The following JAKMIP1 variants were observed in gnomAD, a reference collection of about 807,000 sequenced individuals.
The protein encoded by JAKMIP1 is janus kinase and microtubule-interacting protein 1.
Under a neutral mutation model 113.0 loss-of-function variants are expected in JAKMIP1, and 33 were observed. The ratio of observed to expected loss-of-function variants is 0.29; its 90% CI spans 0.22 to 0.39. JAKMIP1 has a LOEUF of 0.39. Among genes scored for constraint, JAKMIP1 ranks in the 10% least tolerant of loss-of-function variants. JAKMIP1 has a pLI of 1.00. For synonymous variants in JAKMIP1, 480 were observed against 459.9 expected, an observed-to-expected ratio of 1.04 and a Z score of -0.56; for missense variants, 813 against 1,080.5, an observed-to-expected ratio of 0.75 and a Z score of 3.47.
At chr4:6,182,620 A>G (rs1726172523) in intron 1 of JAKMIP1, among the ~76,000 whole-genome samples, 1 of 152,158 alleles carries the variant, frequency 6.6e-6, no homozygotes, top group Non-Finnish European at 1.5e-5. Context: ...GTGAGAAATA[A>G]GCTTCTGTTG....
In JAKMIP1 at chr4:6,049,511, G is replaced by A. The variant is rs1390495264; in HGVS notation, c.1962+308C>T. On this transcript the variant is annotated intron_variant, in intron 15 of 20. Coordinates refer to ENST00000409021, the MANE Select transcript of JAKMIP1 (RefSeq NM_001099433.2). The surrounding 1 kb of genome is among the most constrained non-coding windows in gnomAD (Gnocchi z 7.0). The stretch of plus-strand genomic sequence containing the variant: ...TACATGCAAGCTCATCTTTCAGGAC[G>A]GCAAAAAGATCCCTTTCTGATTTCA... 3.3e-5 allele frequency among the ~76,000 whole-genome samples: 5 copies of A among 151,946 alleles called. No homozygotes were observed. The highest frequency in any genetic ancestry group is 5.9e-5 in the Non-Finnish European group (4 of 68,008).
chr4:6,038,572 C>T (rs1207881217), intron 18 of JAKMIP1, among the ~76,000 whole-genome samples: 1 of 152,278 alleles, frequency 6.6e-6, no homozygotes, highest in Non-Finnish European at 1.5e-5. Context: ...CCCTCCGTCA[C>T]CATCAGGCCA....
At chr4:6,127,375 C>T (rs1296427264) in intron 1 of JAKMIP1, among the ~76,000 whole-genome samples, 1 of 152,200 alleles carries the variant, frequency 6.6e-6, no homozygotes, top group African/African-American at 2.4e-5. Context: ...TTGCTGAAAA[C>T]CGGCCATTCT....
At chr4:6,112,465 C>G (rs896625447) in intron 2 of JAKMIP1, among the ~76,000 whole-genome samples, 21 of 152,206 alleles carry the variant, frequency 1.4e-4, no homozygotes, top group Admixed American at 1.3e-3. Context: ...TTCTGACAAC[C>G]CCCATCTTGC....
At position 6,062,313 on chromosome 4, in the gene JAKMIP1, C is replaced by T. The variant is rs773908826; in HGVS notation, c.1559G>A (p.Arg520Gln). 1.2e-5 allele frequency: 20 copies of T among 1,612,148 alleles called. No homozygotes were observed. The East Asian group carries it at 2.0e-4, about 16-fold the overall frequency. The change falls in exon 10 of 21, where the codon CGG becomes CAG. Residue 520 changes from arginine (R) to glutamine (Q), a missense_variant and splice_region_variant. By Grantham distance (43) the Arg-to-Gln change is conservative (BLOSUM62 1). Transcript: ENST00000409021. ...GGTLDAEREA[R>Q]TREQLQADLL... Reference sequence around the variant, plus strand: ...AGCCCTGAGGCTGGCTGCACTCACCCGGGCCTCCCTCTCAGCGTCCAGCGT... The same window carrying T: ...AGCCCTGAGGCTGGCTGCACTCACCTGGGCCTCCCTCTCAGCGTCCAGCGT...
chr4:6,046,071 AG>A (rs1714950287), intron 16 of JAKMIP1, among the ~76,000 whole-genome samples: 1 of 152,132 alleles, frequency 6.6e-6, no homozygotes. Context: ...TGTCGGCTCT[AG>A]GGTGACCAGC....
At chr4:6,160,032 CT>C (rs1408728242) in intron 1 of JAKMIP1, among the ~76,000 whole-genome samples, 1 of 152,082 alleles carries the variant, frequency 6.6e-6, no homozygotes, top group Non-Finnish European at 1.5e-5. Context: ...AGGTGATTTC[CT>C]TTTGGGAGTA....
chr4:6,122,277 G>A (rs1488740753), intron 1 of JAKMIP1, among the ~76,000 whole-genome samples: 1 of 152,162 alleles, frequency 6.6e-6, no homozygotes, highest in Non-Finnish European at 1.5e-5. Context: ...AGTGAGCCGA[G>A]ATCGAACCAC....
At position 6,054,144 on chromosome 4, in the gene JAKMIP1, T is replaced by C. The variant is rs1336902861; in HGVS notation, c.1712A>G (p.Tyr571Cys). The change falls in exon 13 of 21, where the codon TAC becomes TGC. Residue 571 changes from tyrosine to cysteine, a missense_variant. Physicochemically the swap from Tyr to Cys is radical, Grantham distance 194 (BLOSUM62 -2). Transcript: ENST00000409021. The part of the protein sequence containing the change: ...RTNQDLLEKI[Y>C]RLEMEENQLK... ...CTGGTTCTCTTCCATTTCCAGTCTG[T>C]AAATCTAGAGCAAAGATACCTGCGG... 2.5e-6 allele frequency: 4 copies of C among 1,614,006 alleles called. No individual in the cohort carries two copies. The highest frequency in any genetic ancestry group is 2.7e-5 in the African/African-American group (2 of 74,920).
chr4:6,113,081 C>T (rs948788332), intron 1 of JAKMIP1, 84 bp from the exon 2 acceptor site: 4 of 582,806 alleles, frequency 6.9e-6, no homozygotes, highest in African/African-American at 3.8e-5. Flanking sequence ...GGGCCAGGCA[C>T]CTGCCTCATC....
In JAKMIP1 at chr4:6,097,258, A is replaced by T. The variant is rs1197050296; in HGVS notation, c.624+8215T>A. Among the ~76,000 whole-genome samples the T allele has an allele frequency of 1.3e-5, 2 of 152,164 alleles. No homozygotes were observed. The highest frequency in any genetic ancestry group is 1.9e-4 in the East Asian group (1 of 5,200). Reference sequence around the variant, plus strand: ...GCAATCCTCCCACCTCAGCCTCCTGATGTATTGGGATTACAGTCATGAGCC... The same window carrying T: ...GCAATCCTCCCACCTCAGCCTCCTGTTGTATTGGGATTACAGTCATGAGCC... On this transcript the variant is annotated intron_variant, in intron 3 of 20. Transcript: ENST00000409021. The surrounding 1 kb of genome is among the most constrained non-coding windows in gnomAD (Gnocchi z 4.3).
At chr4:6,118,741 C>T (rs148620395) in intron 1 of JAKMIP1, among the ~76,000 whole-genome samples, 56 of 152,030 alleles carry the variant, frequency 3.7e-4, no homozygotes, top group African/African-American at 1.1e-3. Context: ...AGGAGGCAAG[C>T]GCAGAGCTCT....
intron 20 of JAKMIP1, among the ~76,000 whole-genome samples, chr4:6,028,928 G>A (rs1400461068): frequency 1.3e-5 from 2 of 152,218 alleles, no homozygotes; most frequent in Non-Finnish European, 2.9e-5. Flanking sequence ...CTATCCTGTG[G>A]CAAGAACTGT....
rs567784177 is a variant in JAKMIP1, at chr4:6,067,573, T to C, written c.1303-2565A>G. ...CAATGGCACCCACGGGAGTGATGCA[T>C]CTGCAGCACTCAAGCTCTTCTGCAC... On this transcript the variant is annotated intron_variant, in intron 8 of 20. Coordinates refer to ENST00000409021, the MANE Select transcript of JAKMIP1 (RefSeq NM_001099433.2). The surrounding 1 kb of genome is among the most constrained non-coding windows in gnomAD (Gnocchi z 4.6). Among the ~76,000 whole-genome samples, 2 of 130,800 alleles carry C rather than the reference T, an allele frequency of 1.5e-5. No individual in the cohort carries two copies. The highest frequency in any genetic ancestry group is 5.9e-5 in the African/African-American group (2 of 34,030). 85.8% of individuals were successfully genotyped at this position (130,800 alleles called of 152,430 possible).
rs1725703449 is a variant in JAKMIP1, at chr4:6,178,881, A to G, written c.-148+21372T>C. On this transcript the variant is annotated intron_variant, in intron 1 of 20. Coordinates refer to ENST00000409021, the MANE Select transcript of JAKMIP1 (RefSeq NM_001099433.2). The surrounding 1 kb of genome is among the most constrained non-coding windows in gnomAD (Gnocchi z 5.5). Reference sequence around the variant, plus strand: ...TTGATTAAGGTCCCTCCCTCTTCACATGGGATTGTTCACCAGCTGTCTCCC... The same window carrying G: ...TTGATTAAGGTCCCTCCCTCTTCACGTGGGATTGTTCACCAGCTGTCTCCC... Among the ~76,000 whole-genome samples, 1 of 152,068 alleles carries G rather than the reference A, an allele frequency of 6.6e-6. No homozygotes were observed. Among genetic ancestry groups the G allele is most frequent in the South Asian group, 2.1e-4 (1 of 4,818 alleles).
At chr4:6,098,700 GAAAGAAAGAAAGAAAGAAAGAA>G (rs1387474384) in intron 3 of JAKMIP1, among the ~76,000 whole-genome samples, 3 of 14,366 alleles carry the variant, frequency 2.1e-4, no homozygotes, top group African/African-American at 3.0e-4. Context: ...AAGAAAGAAA[GAAAGAAAGAAAGAAAGAAAGAA>G]AAAGAAAGAA....
chr4:6,171,039 CTCACCACCA>C, intron 1 of JAKMIP1, among the ~76,000 whole-genome samples: 1 of 149,016 alleles, frequency 6.7e-6, no homozygotes, highest in Non-Finnish European at 1.5e-5. Context: ...CATCACCACC[CTCACCACCA>C]TCACCATGCT....
chr4:6,171,321 C>A (rs548682718), intron 1 of JAKMIP1, among the ~76,000 whole-genome samples: 1 of 151,410 alleles, frequency 6.6e-6, no homozygotes, highest in Non-Finnish European at 1.5e-5. Flanking sequence ...TCAACATCTC[C>A]ATCACCACCA....
chr4:6,041,274 C>T (rs925019275), intron 17 of JAKMIP1, among the ~76,000 whole-genome samples: 3 of 152,158 alleles, frequency 2.0e-5, no homozygotes, highest in Admixed American at 6.5e-5. Context: ...CTCCTGTAGC[C>T]ACTTCCTTTT....
Sources: gnomAD v4.1 joint callset for allele counts (sites outside exome capture counted in the v4.1 genomes callset) on GRCh38, gnomAD v4.1.1 for gene constraint, Gnocchi (gnomAD v3.1) non-coding constraint, MANE v1.5 for transcripts, NCBI Gene and HGNC (gene_info 2026-07-23, HGNC 2026-07-21) for gene names.